The following PCYT1B variants were observed in gnomAD, a reference collection of about 807,000 sequenced individuals.
PCYT1B encodes choline-phosphate cytidylyltransferase B.
In PCYT1B, 10 loss-of-function variants were observed where a neutral mutation model predicts 26.4. The ratio of observed to expected loss-of-function variants is 0.38; its 90% CI spans 0.23 to 0.64. PCYT1B has a LOEUF of 0.64. Among genes scored for constraint, PCYT1B ranks in the 30% least tolerant of loss-of-function variants. The probability of loss-of-function intolerance (pLI) is 0.56; values close to 1 mark genes in which losing one functional copy is unlikely to be tolerated. For missense variants in PCYT1B, 161 were observed against 292.7 expected (o/e 0.55, Z 3.28); for synonymous variants, 131 against 108.4 (o/e 1.21, Z -1.29).
chrX:24,660,383 A>G (rs1483886575), intron 1 of PCYT1B, among the ~76,000 whole-genome samples: 1 of 112,491 alleles, frequency 8.9e-6, no homozygotes, highest in Non-Finnish European at 1.9e-5. Flanking sequence ...GCCATGTCAA[A>G]TGACACTAAG....
At chrX:24,572,266 G>GCGCACA (rs1555955602) in intron 7 of PCYT1B, among the ~76,000 whole-genome samples, 46 of 99,026 alleles carry the variant, frequency 4.6e-4, no homozygotes, top group African/African-American at 1.7e-3. Context: ...ACACGCGCGC[G>GCGCACA]CACACACACA....
chrX:24,638,879 C>T (rs1926381870), intron 1 of PCYT1B, among the ~76,000 whole-genome samples: 1 of 112,122 alleles, frequency 8.9e-6, no homozygotes, highest in Non-Finnish European at 1.9e-5. Flanking sequence ...GGCTACTGTT[C>T]ACATTAAGAA....
intron 1 of PCYT1B, among the ~76,000 whole-genome samples, chrX:24,654,760 A>G (rs1215793566): frequency 2.8e-5 from 3 of 106,538 alleles, no homozygotes; most frequent in Non-Finnish European, 5.8e-5. Flanking sequence ...AAAAAAAAAA[A>G]AAAAAAAAAA....
At position 24,558,918 on chromosome X, in the gene PCYT1B, G is replaced by T. The variant is rs1923264972; in HGVS notation, c.*3375C>A. 9.0e-6 allele frequency: 1 copy of T among 111,093 alleles called. No individual in the cohort carries two copies. 9.2% of individuals were successfully genotyped at this position (111,093 alleles called of 1,213,427 possible). ...GAAGTGCTGAAATGAAGCAACCAGA[G>T]AGGCAGGGACCCCATATCCTGCATG... On this transcript the variant is annotated 3_prime_UTR_variant, in exon 8 of 8. Coordinates refer to ENST00000379144, the MANE Select transcript of PCYT1B (RefSeq NM_004845.5).
chrX:24,652,387 C>T (rs1225805199), intron 1 of PCYT1B, among the ~76,000 whole-genome samples: 13 of 109,164 alleles, frequency 1.2e-4, no homozygotes, highest in Non-Finnish European at 3.8e-5. Context: ...AGCGAATCCC[C>T]GTCCCTACTA....
chrX:24,648,449 A>ATTTTTTTTTTTTTTTTTTTTTTTTTTTT (rs57744798), upstream of PCYT1B, among the ~76,000 whole-genome samples: 10 of 39,723 alleles, frequency 2.5e-4, 2 homozygotes, highest in African/African-American at 1.4e-3. Context: ...ATTTGAAGGA[A>ATTTTTTTTTTTTTTTTTTTTTTTTTTTT]TTTTTTTTTT....
intron 7 of PCYT1B, among the ~76,000 whole-genome samples, chrX:24,571,704 C>A (rs1923833329): frequency 1.8e-5 from 2 of 111,453 alleles, no homozygotes; most frequent in Non-Finnish European, 3.8e-5. Context: ...GTCTCTTGAG[C>A]CCAGGAGTTC....
chrX:24,587,177 A>T, intron 5 of PCYT1B, 64 bp downstream of exon 5: 1 of 774,601 alleles, frequency 1.3e-6, no homozygotes, highest in Non-Finnish European at 2.0e-6. Flanking sequence ...GGGCAGACAG[A>T]TGTCTCTTAT....
chrX:24,647,473 C>A, upstream of PCYT1B: 1 of 118,227 alleles, frequency 8.5e-6, no homozygotes. Context: ...ACCCACGGGC[C>A]CGAACTTGCT....
chrX:24,575,435 A>G (rs1923984978), intron 6 of PCYT1B, 117 bp from the exon 7 acceptor site: 1 of 576,276 alleles, frequency 1.7e-6, no homozygotes, highest in African/African-American at 2.3e-5. Context: ...CCTAACCTGA[A>G]GAGTCAAGAT....
intron 7 of PCYT1B, among the ~76,000 whole-genome samples, chrX:24,563,837 T>C (rs1415817138): frequency 9.0e-6 from 1 of 111,531 alleles, no homozygotes; most frequent in East Asian, 2.8e-4. Flanking sequence ...TGGGAACAGA[T>C]GGCAGTGAGG....
intron 1 of PCYT1B, among the ~76,000 whole-genome samples, chrX:24,639,128 G>A (rs746796738): frequency 1.8e-5 from 2 of 112,425 alleles, no homozygotes; most frequent in African/African-American, 3.2e-5. Flanking sequence ...AAACCAACAG[G>A]GGGTGAGGAA....
chrX:24,617,371 G>GTTTTTTTTTTTTTTTTT (rs201674610), intron 2 of PCYT1B, among the ~76,000 whole-genome samples: 1 of 80,365 alleles, frequency 1.2e-5, no homozygotes. Context: ...TGGTTTGTTT[G>GTTTTTTTTTTTTTTTTT]TTTTTTTTTT....
chrX:24,629,392 C>A (rs997319253), intron 1 of PCYT1B, among the ~76,000 whole-genome samples: 1 of 106,515 alleles, frequency 9.4e-6, no homozygotes, highest in African/African-American at 3.4e-5. Flanking sequence ...ATGGCGAAAC[C>A]CTCTCTCTAT....
intron 7 of PCYT1B, among the ~76,000 whole-genome samples, chrX:24,563,452 C>T (rs925635564): frequency 3.6e-5 from 4 of 111,911 alleles, no homozygotes; most frequent in African/African-American, 9.7e-5. Context: ...ACCCAGGAAG[C>T]GCAGGCAGGG....
At chrX:24,651,381 G>A (rs181100139), upstream of PCYT1B, among the ~76,000 whole-genome samples, 274 of 96,512 alleles carry the variant, frequency 2.8e-3, no homozygotes, top group Middle Eastern at 0.011. Context: ...CTTGAACCTC[G>A]GAGGCGGAGG....
At chrX:24,670,100 G>T (rs1927218535) in intron 1 of PCYT1B, among the ~76,000 whole-genome samples, 1 of 84,010 alleles carries the variant, frequency 1.2e-5, no homozygotes, top group Non-Finnish European at 2.2e-5. Context: ...AAGAAAGAAA[G>T]AAAGAAAGAA....
At chrX:24,573,762 G>A (rs969085370) in intron 7 of PCYT1B, among the ~76,000 whole-genome samples, 4 of 111,330 alleles carry the variant, frequency 3.6e-5, no homozygotes, top group African/African-American at 1.3e-4. Flanking sequence ...ATTAAGAAAT[G>A]TACCAGGAAT....
intron 2 of PCYT1B, among the ~76,000 whole-genome samples, chrX:24,616,254 A>T (rs5986350): frequency 0.28 from 14,095 of 50,802 alleles, 1,928 homozygotes; most frequent in East Asian, 0.32. Context: ...TTTTTTTTTA[A>T]AAAAACAGAG....
Sources: allele counts gnomAD v4.1 joint callset (sites outside exome capture counted in the v4.1 genomes callset), GRCh38; gene constraint gnomAD v4.1.1; transcripts MANE v1.5; gene names NCBI Gene and HGNC (gene_info 2026-07-23, HGNC 2026-07-21).